Variants in CACNA1D observed in about 807,000 individuals in gnomAD.
CACNA1D encodes calcium voltage-gated channel subunit alpha1 D, also known as voltage-dependent L-type calcium channel subunit alpha-1D.
A neutral mutation model predicts 257.1 loss-of-function variants in CACNA1D; 55 were observed. The ratio of observed to expected loss-of-function variants is 0.21; its 90% confidence interval spans 0.17 to 0.27. CACNA1D has a LOEUF of 0.27. Ranked by LOEUF, CACNA1D falls within the 10% of genes least tolerant of loss-of-function variation. The pLI is 1.00. For missense variants in CACNA1D, 1,876 were observed against 2,784.0 expected (o/e 0.67, Z 7.34); for synonymous variants, 980 against 1,014.9 (o/e 0.97, Z 0.65).
At position 53,747,416 on chromosome 3, in the gene CACNA1D, C is replaced by T; in HGVS notation, c.3282C>T (p.Leu1094=). Reference sequence around the variant, plus strand: ...ACGTCCTCTCTGCTATGATGGCGCTCTTCACAGTCTCCACGTTTGAGGGCT... The same window carrying T: ...ACGTCCTCTCTGCTATGATGGCGCTTTTCACAGTCTCCACGTTTGAGGGCT... ...FDNVLSAMMA[L]FTVSTFEGWP... The change falls in exon 26 of 48, where the codon CTC becomes CTT. Residue 1094 remains leucine, a synonymous_variant. Coordinates refer to ENST00000350061, the MANE Select transcript of CACNA1D (RefSeq NM_001128840.3). 1.9e-6 allele frequency: 3 copies of T among 1,614,246 alleles called. No individual in the cohort carries two copies. Among genetic ancestry groups the T allele is most frequent in the Non-Finnish European group, 2.5e-6 (3 of 1,180,038 alleles).
At chr3:53,633,164 T>C (rs1313467941) in intron 3 of CACNA1D, among the ~76,000 whole-genome samples, 1 of 152,222 alleles carries the variant, frequency 6.6e-6, no homozygotes, top group Non-Finnish European at 1.5e-5. Context: ...CATTATCTCA[T>C]GTACTCCTTT....
chr3:53,651,798 A>G (rs2094100414), intron 4 of CACNA1D, among the ~76,000 whole-genome samples: 1 of 152,166 alleles, frequency 6.6e-6, no homozygotes, highest in African/African-American at 2.4e-5. Context: ...CATCTTCATG[A>G]CTTCAGTGAA....
At chr3:53,540,514 T>A (rs1252683465) in intron 3 of CACNA1D, among the ~76,000 whole-genome samples, 1 of 151,870 alleles carries the variant, frequency 6.6e-6, no homozygotes, top group Non-Finnish European at 1.5e-5. Flanking sequence ...ATATAGTAAT[T>A]ATTATTATAT....
At chr3:53,535,284 C>T (rs747477147) in intron 3 of CACNA1D, among the ~76,000 whole-genome samples, 17 of 152,138 alleles carry the variant, frequency 1.1e-4, no homozygotes, top group African/African-American at 2.2e-4. Context: ...AGCCTCCCGT[C>T]GCCTGTGTGT....
At chr3:53,609,270 C>A (rs2093552769) in intron 3 of CACNA1D, among the ~76,000 whole-genome samples, 1 of 151,944 alleles carries the variant, frequency 6.6e-6, no homozygotes, top group Non-Finnish European at 1.5e-5. Flanking sequence ...ATTAGCTGGG[C>A]ACGGTGGTGG....
At chr3:53,707,804 A>C (rs894535858) in intron 9 of CACNA1D, among the ~76,000 whole-genome samples, 1 of 148,096 alleles carries the variant, frequency 6.8e-6, no homozygotes, top group Non-Finnish European at 1.5e-5. Context: ...TAAAAAAAAA[A>C]AGCATTAAAA....
chr3:53,740,131 C>A (rs547981525), intron 20 of CACNA1D, 149 bp from the exon 21 acceptor site: 10 of 732,822 alleles, frequency 1.4e-5, no homozygotes, highest in Non-Finnish European at 2.5e-5. Context: ...AGTGGGCATT[C>A]ACCCGTGGCT....
intron 3 of CACNA1D, among the ~76,000 whole-genome samples, chr3:53,507,090 A>AC (rs1307047773): frequency 1.5e-4 from 20 of 137,670 alleles, no homozygotes; most frequent in Non-Finnish European, 1.5e-4. Context: ...AAAAAAAAAA[A>AC]AAACAAAAAA....
intron 3 of CACNA1D, among the ~76,000 whole-genome samples, chr3:53,624,896 C>T (rs1256019181): frequency 1.3e-5 from 2 of 152,152 alleles, no homozygotes; most frequent in Admixed American, 6.5e-5. Context: ...CAAAGCATTC[C>T]AGTGACAGCG....
intron 9 of CACNA1D, among the ~76,000 whole-genome samples, chr3:53,708,027 GCCCCTGCCTGC>G (rs1205931383): frequency 3.3e-5 from 5 of 152,184 alleles, no homozygotes; most frequent in Admixed American, 6.5e-5. Flanking sequence ...TATGGGCACT[GCCCCTGCCTGC>G]CCGGGGACTC....
At position 53,751,953 on chromosome 3, in the gene CACNA1D, C is replaced by T. The variant is rs756768405; in HGVS notation, c.3675+46C>T. On this transcript the variant is annotated intron_variant, in intron 28 of 47. Transcript: ENST00000350061. This position sits in a 1 kb window ranked among gnomAD's most constrained non-coding sequence, Gnocchi z 4.3. ...GGGGATCAGGTCCGGGCATTCCGCA[C>T]AGCCCCGTGCCCCAAATGCTGAGGG... is the stretch of plus-strand genomic sequence containing the variant. 6 of 1,584,308 alleles carry T rather than the reference C, an allele frequency of 3.8e-6. No individual in the cohort carries two copies. Among genetic ancestry groups the T allele is most frequent in the Non-Finnish European group, 4.3e-6 (5 of 1,153,058 alleles).
chr3:53,592,918 A>C (rs539754365), intron 3 of CACNA1D, among the ~76,000 whole-genome samples: 1 of 152,150 alleles, frequency 6.6e-6, no homozygotes, highest in Non-Finnish European at 1.5e-5. Flanking sequence ...TGAACTCCTG[A>C]CCTCAGGTGA....
chr3:53,695,207 G>A (rs2094562606), intron 8 of CACNA1D, among the ~76,000 whole-genome samples: 1 of 152,190 alleles, frequency 6.6e-6, no homozygotes, highest in African/African-American at 2.4e-5. Context: ...TGGAGTCGCA[G>A]CAGCAGCTGA....
At chr3:53,497,775 G>A (rs933630904) in intron 2 of CACNA1D, among the ~76,000 whole-genome samples, 2 of 152,090 alleles carry the variant, frequency 1.3e-5, no homozygotes, top group African/African-American at 4.8e-5. Context: ...ACATTAGATG[G>A]TTAGTTTTAA....
chr3:53,554,187 C>T (rs1257072119), intron 3 of CACNA1D, among the ~76,000 whole-genome samples: 12 of 146,744 alleles, frequency 8.2e-5, no homozygotes, highest in African/African-American at 3.1e-4. Context: ...CAGAGTGAGA[C>T]TCTGTCTCAA....
chr3:53,797,234 T>C (rs1369279241), intron 40 of CACNA1D, among the ~76,000 whole-genome samples: 1 of 152,202 alleles, frequency 6.6e-6, no homozygotes, highest in Non-Finnish European at 1.5e-5. Flanking sequence ...TTCATTACCA[T>C]GTTTTGTGAT....
chr3:53,729,823 A>C (rs2094971777), intron 15 of CACNA1D, among the ~76,000 whole-genome samples: 1 of 152,222 alleles, frequency 6.6e-6, no homozygotes, highest in Non-Finnish European at 1.5e-5. Context: ...TATTCACAAC[A>C]GTCCAGCACC....
At chr3:53,685,954 T>A (rs1486590878) in intron 8 of CACNA1D, among the ~76,000 whole-genome samples, 2 of 151,996 alleles carry the variant, frequency 1.3e-5, no homozygotes, top group Non-Finnish European at 2.9e-5. Context: ...AATTATAAAG[T>A]TATTTAGAAA....
At chr3:53,788,232 A>G (rs1302850510) in intron 40 of CACNA1D, among the ~76,000 whole-genome samples, 1 of 152,182 alleles carries the variant, frequency 6.6e-6, no homozygotes, top group Non-Finnish European at 1.5e-5. Context: ...TTCATGGTGC[A>G]ACCTCTGCTC....
Sources: allele counts gnomAD v4.1 joint callset (sites outside exome capture counted in the v4.1 genomes callset), GRCh38; gene constraint gnomAD v4.1.1; non-coding constraint Gnocchi (gnomAD v3.1); transcripts MANE v1.5; gene names NCBI Gene and HGNC (gene_info 2026-07-23, HGNC 2026-07-21).